CADPS: variants seen among roughly 807,000 people sequenced by gnomAD.
The protein encoded by CADPS is calcium dependent secretion activator, also known as calcium-dependent secretion activator 1.
CADPS carries 57 observed loss-of-function variants against 167.3 expected under a neutral mutation model. The ratio of observed to expected loss-of-function variants is 0.34; its 90% CI spans 0.28 to 0.42. The LOEUF (loss-of-function observed/expected upper bound fraction) is 0.42. Ranked by LOEUF, CADPS falls within the 20% of genes least tolerant of loss-of-function variation. The pLI is 1.00. For synonymous variants in CADPS, 676 were observed against 635.3 expected (o/e 1.06, Z -0.96); for missense variants, 1,414 against 1,738.1 (o/e 0.81, Z 3.32).
chr3:62,745,653 T>A (rs1230132298), intron 3 of CADPS, among the ~76,000 whole-genome samples: 1 of 152,194 alleles, frequency 6.6e-6, no homozygotes, highest in African/African-American at 2.4e-5. Context: ...AGCAGATGAA[T>A]TCAGGCTGAA....
intron 6 of CADPS, among the ~76,000 whole-genome samples, chr3:62,638,667 TCTAA>T (rs2066818026): frequency 6.6e-6 from 1 of 152,162 alleles, no homozygotes; most frequent in Non-Finnish European, 1.5e-5. Context: ...AGTATCAACG[TCTAA>T]CTGACAAACT....
intron 29 of CADPS, among the ~76,000 whole-genome samples, chr3:62,402,238 GC>G (rs1314899945): frequency 1.6e-5 from 2 of 124,850 alleles, no homozygotes; most frequent in Non-Finnish European, 3.4e-5. Context: ...CGGGGTGGGG[GC>G]GGGGGGGGGG....
Position 62,465,900 on chromosome 3 carries a change from T to C in CADPS, c.3552+439A>G, listed in dbSNP as rs1380445936. Among the ~76,000 whole-genome samples, 1 of 152,232 alleles carries C rather than the reference T, an allele frequency of 6.6e-6. No individual in the cohort carries two copies. The highest frequency in any genetic ancestry group is 1.5e-5 in the Non-Finnish European group (1 of 68,038). On this transcript the variant is annotated intron_variant, in intron 25 of 29. Coordinates refer to ENST00000383710, the MANE Select transcript of CADPS (RefSeq NM_003716.4). This position sits in a 1 kb window ranked among gnomAD's most constrained non-coding sequence, Gnocchi z 4.1. ...GTCTTCCCATTCAGCATTACTTAGT[T>C]AAAATTCTATAATTCATGAGGGTGA... is the stretch of plus-strand genomic sequence containing the variant.
intron 11 of CADPS, among the ~76,000 whole-genome samples, chr3:62,538,161 A>G (rs1290522870): frequency 6.6e-6 from 1 of 152,092 alleles, no homozygotes; most frequent in Non-Finnish European, 1.5e-5. Flanking sequence ...TATCCTCAGG[A>G]AAGTGCTTTC....
chr3:62,656,194 T>G (rs1427545346), intron 4 of CADPS, among the ~76,000 whole-genome samples: 1 of 152,134 alleles, frequency 6.6e-6, no homozygotes, highest in Non-Finnish European at 1.5e-5. Context: ...ATACACCCCT[T>G]GCAAGCACTA....
rs1321927969 is a variant in CADPS, at chr3:62,470,725, A to ATCTC, written c.3477+3444_3477+3447dup. On this transcript the variant is annotated intron_variant, in intron 24 of 29. Coordinates refer to ENST00000383710, the MANE Select transcript of CADPS (RefSeq NM_003716.4). ...ATACTAAGGAAAAATGTCACGAAAG[A>ATCTC]TCTCTCTAAGATGGCTTGGGAAAAA... 5.9e-5 allele frequency: 9 copies of ATCTC among 152,314 alleles called. No homozygotes were observed. The South Asian group carries it at 1.9e-3, about 32-fold the overall frequency. The allele number at this position is 152,314 out of a possible 1,614,324, so 9.4% of individuals were successfully genotyped here.
chr3:62,650,753 G>A, intron 5 of CADPS, 94 bp downstream of exon 5: 1 of 850,538 alleles, frequency 1.2e-6, no homozygotes, highest in South Asian at 1.7e-5. Context: ...TGCTCCTGGG[G>A]TGCAACAGAA....
chr3:62,663,593 T>A (rs2073800162), intron 3 of CADPS, among the ~76,000 whole-genome samples: 1 of 139,250 alleles, frequency 7.2e-6, no homozygotes. Context: ...TAGAAGAAAG[T>A]TTAAAGCTCC....
At chr3:62,771,037 T>G (rs1414196265) in intron 1 of CADPS, among the ~76,000 whole-genome samples, 2 of 152,198 alleles carry the variant, frequency 1.3e-5, no homozygotes, top group Admixed American at 6.5e-5. Context: ...TGATGCATAT[T>G]AGGGCCTTCT....
At chr3:62,686,051 G>C (rs1053082910) in intron 3 of CADPS, among the ~76,000 whole-genome samples, 1 of 151,992 alleles carries the variant, frequency 6.6e-6, no homozygotes, top group Non-Finnish European at 1.5e-5. Flanking sequence ...ACCTTGATCT[G>C]ACCACCATAC....
At chr3:62,498,305 C>A (rs1298522551) in intron 18 of CADPS, among the ~76,000 whole-genome samples, 1 of 152,030 alleles carries the variant, frequency 6.6e-6, no homozygotes, top group Admixed American at 6.6e-5. Flanking sequence ...ATGGAATGAC[C>A]ATTTTAGGTA....
At chr3:62,763,226 A>T (rs928787295) in intron 2 of CADPS, among the ~76,000 whole-genome samples, 1 of 152,154 alleles carries the variant, frequency 6.6e-6, no homozygotes, top group Non-Finnish European at 1.5e-5. Flanking sequence ...TCAGTCCAAC[A>T]AAGTCACCCC....
intron 3 of CADPS, among the ~76,000 whole-genome samples, chr3:62,727,575 T>C (rs2076974783): frequency 6.6e-6 from 1 of 151,846 alleles, no homozygotes; most frequent in African/African-American, 2.4e-5. Context: ...TCTGTGAAAG[T>C]GTGCAATGCC....
chr3:62,414,237 G>A (rs1202534807), intron 28 of CADPS, among the ~76,000 whole-genome samples: 1 of 152,002 alleles, frequency 6.6e-6, no homozygotes, highest in East Asian at 1.9e-4. Flanking sequence ...TTATCCACCA[G>A]CCCCCGCTCC....
chr3:62,622,289 T>A (rs2063318973), intron 6 of CADPS, among the ~76,000 whole-genome samples: 1 of 152,090 alleles, frequency 6.6e-6, no homozygotes, highest in Admixed American at 6.6e-5. Flanking sequence ...CAACCACAAA[T>A]GTTTATTGAA....
intron 8 of CADPS, among the ~76,000 whole-genome samples, chr3:62,581,700 G>A (rs1323518694): frequency 6.6e-6 from 1 of 151,962 alleles, no homozygotes; most frequent in East Asian, 1.9e-4. Flanking sequence ...AACAAAAATT[G>A]ATGGTGGATG....
rs11353455 is a variant in CADPS, at chr3:62,417,276, C to CTTTTTTTTTTTTTTTTTTTT, written c.3778-14111_3778-14092dup. ...ACACAATAACTATTTTTCTTTTACT[C>CTTTTTTTTTTTTTTTTTTTT]TTTTTTTTTTTTTTTTTTTTTTTTT... On this transcript the variant is annotated intron_variant, in intron 28 of 29. Transcript: ENST00000383710. Among the ~76,000 whole-genome samples, 44 of 64,080 alleles carry CTTTTTTTTTTTTTTTTTTTT rather than the reference C, an allele frequency of 6.9e-4. 20 individuals carry two copies. Among genetic ancestry groups the CTTTTTTTTTTTTTTTTTTTT allele is most frequent in the African/African-American group, 9.8e-4 (17 of 17,400 alleles). 42.0% of individuals were successfully genotyped at this position (64,080 alleles called of 152,430 possible).
intron 22 of CADPS, among the ~76,000 whole-genome samples, chr3:62,480,239 C>T (rs2150797007): frequency 6.6e-6 from 1 of 152,328 alleles, no homozygotes; most frequent in East Asian, 1.9e-4. Flanking sequence ...AGACCATTAT[C>T]TGCTTTATTA....
chr3:62,705,869 C>T (rs953772046), intron 3 of CADPS, among the ~76,000 whole-genome samples: 2 of 152,152 alleles, frequency 1.3e-5, no homozygotes, highest in Non-Finnish European at 2.9e-5. Flanking sequence ...TGGGATTCTC[C>T]TCCATTCCTT....
Sources: allele counts gnomAD v4.1 joint callset (sites outside exome capture counted in the v4.1 genomes callset), GRCh38; gene constraint gnomAD v4.1.1; non-coding constraint Gnocchi (gnomAD v3.1); transcripts MANE v1.5; gene names NCBI Gene and HGNC (gene_info 2026-07-23, HGNC 2026-07-21).